TSHR: variants seen among roughly 807,000 people sequenced by gnomAD.
The protein encoded by TSHR is thyroid stimulating hormone receptor, also known as thyrotropin receptor.
A neutral mutation model predicts 64.1 loss-of-function variants in TSHR; 51 were observed. That is an observed-to-expected ratio of 0.80 (90% CI 0.64 to 1.01). TSHR has a LOEUF of 1.01. TSHR is among the 50% of genes least tolerant of loss of function. TSHR has a pLI of 0.00. For synonymous variants in TSHR, 361 were observed against 361.9 expected (o/e 1.00, Z 0.03); for missense variants, 877 against 942.8 (o/e 0.93, Z 0.91).
chr14:81,141,550 T>C (rs542925677), intron 9 of TSHR, among the ~76,000 whole-genome samples: 1 of 152,366 alleles, frequency 6.6e-6, no homozygotes, highest in East Asian at 1.9e-4. Context: ...GCCTGGCTGT[T>C]GTAAATAGAA....
intron 1 of TSHR, among the ~76,000 whole-genome samples, chr14:80,986,910 G>A (rs1338476804): frequency 2.0e-5 from 3 of 152,208 alleles, no homozygotes; most frequent in Admixed American, 2.0e-4. Flanking sequence ...ACAGTGTCTT[G>A]CACAAAGTCC....
chr14:81,138,128 TATAAA>T (rs1452546656), intron 8 of TSHR, among the ~76,000 whole-genome samples: 4 of 152,164 alleles, frequency 2.6e-5, no homozygotes, highest in Admixed American at 2.6e-4. Flanking sequence ...TATGCCAGTT[TATAAA>T]TGTCTAATGT....
At chr14:81,080,097 C>A (rs570102281) in intron 3 of TSHR, among the ~76,000 whole-genome samples, 2 of 152,048 alleles carry the variant, frequency 1.3e-5, no homozygotes, top group South Asian at 4.2e-4. Context: ...GGACTACAGG[C>A]GTGTGCCACC....
chr14:81,052,565 C>G (rs1323616131), intron 1 of TSHR: 1 of 152,096 alleles, frequency 6.6e-6, no homozygotes, highest in Non-Finnish European at 1.5e-5. Context: ...TAAGGTTGTT[C>G]TATTTCTGTG....
intron 1 of TSHR, among the ~76,000 whole-genome samples, chr14:81,054,868 T>G (rs1885668003): frequency 6.6e-6 from 1 of 152,054 alleles, no homozygotes; most frequent in Non-Finnish European, 1.5e-5. Flanking sequence ...AGCCTGACAA[T>G]GCAACAGAAA....
Position 81,144,919 on chromosome 14 carries a change from G to C in TSHR, c.*566G>C, listed in dbSNP as rs1177582289. On this transcript the variant is annotated 3_prime_UTR_variant, in exon 10 of 10. Transcript: ENST00000298171. ...GAAGGAGGGTAAGAATTAGCTTTAA[G>C]TTTTGTTTTGCTTTGTTTTGTTTTT... 1 of 234,362 alleles carries C rather than the reference G, an allele frequency of 4.3e-6. No individual in the cohort carries two copies. The highest frequency in any genetic ancestry group is 2.2e-5 in the African/African-American group (1 of 45,340). 14.5% of individuals were successfully genotyped at this position (234,362 alleles called of 1,614,324 possible).
intron 1 of TSHR, among the ~76,000 whole-genome samples, chr14:81,006,597 C>A (rs1039256092): frequency 2.0e-5 from 3 of 152,230 alleles, no homozygotes; most frequent in Admixed American, 2.0e-4. Context: ...ACTGCAACCT[C>A]CAACTCCCTG....
At chr14:81,088,734 A>G (rs1375395576) in intron 4 of TSHR, among the ~76,000 whole-genome samples, 2 of 152,198 alleles carry the variant, frequency 1.3e-5, no homozygotes, top group Non-Finnish European at 1.5e-5. Flanking sequence ...TATGAAGAAG[A>G]AAATTGTTAA....
intron 1 of TSHR, among the ~76,000 whole-genome samples, chr14:81,000,174 C>T (rs932992810): frequency 1.2e-4 from 18 of 152,162 alleles, no homozygotes; most frequent in Middle Eastern, 6.8e-3. Context: ...TCAGGCAATC[C>T]GCCCGCCTTG....
chr14:81,119,496 T>A (rs1157520700), intron 8 of TSHR, among the ~76,000 whole-genome samples: 1 of 139,022 alleles, frequency 7.2e-6, no homozygotes. Context: ...CTCACACCAG[T>A]TAGAATGGCA....
intron 3 of TSHR, chr14:81,079,048 C>T (rs996828678): frequency 6.6e-6 from 1 of 152,116 alleles, no homozygotes; most frequent in African/African-American, 2.4e-5. Context: ...TGGGTAAAGG[C>T]ATTGAGGATT....
chr14:81,085,416 C>G (rs1047122243), intron 3 of TSHR, among the ~76,000 whole-genome samples: 2 of 152,190 alleles, frequency 1.3e-5, no homozygotes, highest in African/African-American at 4.8e-5. Context: ...CTTTTCCCTG[C>G]TGTTTTCTTG....
chr14:81,087,687 A>G (rs181769572), intron 3 of TSHR: 1 of 484,026 alleles, frequency 2.1e-6, no homozygotes, highest in Admixed American at 3.4e-5. Flanking sequence ...TGATACTACA[A>G]TTAAGAACAA....
At chr14:81,061,125 A>T (rs1386953976) in intron 1 of TSHR, among the ~76,000 whole-genome samples, 2 of 152,202 alleles carry the variant, frequency 1.3e-5, no homozygotes, top group African/African-American at 4.8e-5. Flanking sequence ...CATGTAGATG[A>T]TAAGATCAAG....
intron 1 of TSHR, among the ~76,000 whole-genome samples, chr14:81,028,381 T>C (rs1884179215): frequency 6.6e-6 from 1 of 151,834 alleles, no homozygotes; most frequent in Non-Finnish European, 1.5e-5. Context: ...GAGAGGTAAA[T>C]CCTAGGAACG....
At chr14:81,009,137 G>A (rs1413570777) in intron 1 of TSHR, among the ~76,000 whole-genome samples, 1 of 152,176 alleles carries the variant, frequency 6.6e-6, no homozygotes, top group Non-Finnish European at 1.5e-5. Flanking sequence ...AGCTTCGGTA[G>A]TCTCAGATTT....
chr14:81,035,881 T>TA (rs144806748), intron 1 of TSHR, among the ~76,000 whole-genome samples: 59 of 130,784 alleles, frequency 4.5e-4, no homozygotes, highest in Middle Eastern at 4.5e-3. Context: ...AAAATAAAAA[T>TA]AAATAAAAAT....
At chr14:81,134,497 T>C (rs1891376426) in intron 8 of TSHR, among the ~76,000 whole-genome samples, 3 of 152,152 alleles carry the variant, frequency 2.0e-5, no homozygotes, top group Admixed American at 1.3e-4. Context: ...TCTATTCAGG[T>C]ATTTAACAAG....
intron 1 of TSHR, among the ~76,000 whole-genome samples, chr14:81,036,172 T>TA (rs982915870): frequency 4.6e-5 from 7 of 152,172 alleles, no homozygotes; most frequent in Admixed American, 2.0e-4. Flanking sequence ...AAAGGTTACT[T>TA]AAAAAAACAA....
Sources: allele counts gnomAD v4.1 joint callset (sites outside exome capture counted in the v4.1 genomes callset), GRCh38; gene constraint gnomAD v4.1.1; transcripts MANE v1.5; gene names NCBI Gene and HGNC (gene_info 2026-07-23, HGNC 2026-07-21).